The following BRF1 variants were observed in gnomAD, a reference collection of about 807,000 sequenced individuals.
The protein encoded by BRF1 is BRF1 general transcription factor IIIB subunit.
In BRF1, 59 loss-of-function variants were observed where a neutral mutation model predicts 81.7. The ratio of observed to expected loss-of-function variants is 0.72; its 90% CI spans 0.59 to 0.90. The LOEUF (loss-of-function observed/expected upper bound fraction) is 0.90. BRF1 is among the 40% of genes least tolerant of loss of function. The pLI is 0.00. For missense variants in BRF1, 1,050 were observed against 936.3 expected (o/e 1.12, Z -1.58); for synonymous variants, 491 against 395.6 (o/e 1.24, Z -2.86).
chr14:105,228,476 A>G (rs2054177114), intron 7 of BRF1, among the ~76,000 whole-genome samples: 1 of 151,748 alleles, frequency 6.6e-6, no homozygotes, highest in Non-Finnish European at 1.5e-5. Flanking sequence ...CCCGGGAGGC[A>G]GAGGTTACAG....
At chr14:105,214,947 TCCC>T (rs1165185509) in intron 15 of BRF1, among the ~76,000 whole-genome samples, 1 of 152,098 alleles carries the variant, frequency 6.6e-6, no homozygotes, top group Non-Finnish European at 1.5e-5. Context: ...AGCCCTTCTG[TCCC>T]CAGGTAGACC....
intron 3 of BRF1, among the ~76,000 whole-genome samples, chr14:105,262,712 C>T (rs961287265): frequency 1.3e-5 from 2 of 152,214 alleles, no homozygotes; most frequent in African/African-American, 4.8e-5. Context: ...CAGGCAGTCA[C>T]CTGACGCTCC....
intron 17 of BRF1, 80 bp downstream of exon 17, chr14:105,211,042 C>T: frequency 6.5e-7 from 1 of 1,543,464 alleles, no homozygotes; most frequent in South Asian, 1.2e-5. Flanking sequence ...GCTAACAGGC[C>T]CAAGTTCAGG....
At chr14:105,260,366 G>A (rs587603943) in intron 3 of BRF1, among the ~76,000 whole-genome samples, 60 of 151,778 alleles carry the variant, frequency 4.0e-4, no homozygotes, top group African/African-American at 1.4e-3. Context: ...AACTTTGCAG[G>A]TGTTCGAATT....
At position 105,247,142 on chromosome 14, in the gene BRF1, G is replaced by T. The variant is rs1348859180; in HGVS notation, c.544+5365C>A. On this transcript the variant is annotated intron_variant, in intron 5 of 17. Transcript: ENST00000547530. ...CAGCCAGCGTGTCTTTGCCAGTGGG[G>T]TCCCACACTATGAAATCGCAGCTGT... The T allele has an allele frequency of 7.1e-6, 7 of 985,370 alleles. No individual in the cohort carries two copies. In the African/African-American group the frequency reaches 1.2e-4, roughly 17 times the overall value. 61.0% of individuals were successfully genotyped at this position (985,370 alleles called of 1,614,324 possible).
At chr14:105,250,020 C>T in intron 5 of BRF1, 1 of 1,612,932 alleles carries the variant, frequency 6.2e-7, no homozygotes, top group Non-Finnish European at 8.5e-7. Context: ...CCAATCACCC[C>T]ACGAAACAAG....
intron 15 of BRF1, 99 bp from the exon 16 acceptor site, chr14:105,212,263 A>C: frequency 6.8e-7 from 1 of 1,468,560 alleles, no homozygotes; most frequent in Non-Finnish European, 9.2e-7. Flanking sequence ...GTGTTAATTG[A>C]CTGTTTCTCT....
At chr14:105,212,288 C>T in intron 15 of BRF1, 124 bp from the exon 16 acceptor site, 1 of 1,322,118 alleles carries the variant, frequency 7.6e-7, no homozygotes, top group East Asian at 2.5e-5. Flanking sequence ...CTTTGGAAGC[C>T]TGGTTCTGCG....
At chr14:105,215,983 C>CAAAG (rs1555376220) in intron 15 of BRF1, among the ~76,000 whole-genome samples, 1 of 130,618 alleles carries the variant, frequency 7.7e-6, no homozygotes, top group African/African-American at 3.2e-5. Context: ...ACACTGCATA[C>CAAAG]ACAGGCGCAC....
chr14:105,213,649 G>A (rs780161673), intron 15 of BRF1, among the ~76,000 whole-genome samples: 8 of 152,006 alleles, frequency 5.3e-5, no homozygotes, highest in Non-Finnish European at 2.9e-5. Context: ...ACCTGGCACT[G>A]AGGACAGGCT....
At chr14:105,270,174 CTTT>C (rs56662868) in intron 3 of BRF1, among the ~76,000 whole-genome samples, 20 of 115,300 alleles carry the variant, frequency 1.7e-4, no homozygotes, top group East Asian at 2.5e-4. Flanking sequence ...GTTGAAAGGA[CTTT>C]TTTTTTTTTT....
chr14:105,248,761 C>T (rs2055342874), intron 5 of BRF1: 5 of 981,498 alleles, frequency 5.1e-6, no homozygotes, highest in Non-Finnish European at 6.0e-6. Context: ...CAGTGCCTGA[C>T]CTCCTTGCTT....
intron 1 of BRF1, among the ~76,000 whole-genome samples, chr14:105,293,552 A>G (rs2057608763): frequency 6.6e-6 from 1 of 152,250 alleles, no homozygotes. Context: ...GGGAAGCCTC[A>G]GGGCACACAC....
intron 5 of BRF1, among the ~76,000 whole-genome samples, chr14:105,244,041 G>C (rs906572744): frequency 2.0e-5 from 3 of 151,918 alleles, no homozygotes; most frequent in African/African-American, 7.3e-5. Context: ...AGGCAGAGTG[G>C]CTCATACCTA....
chr14:105,249,199 C>T (rs995018747), intron 5 of BRF1: 2 of 1,589,174 alleles, frequency 1.3e-6, no homozygotes, highest in Non-Finnish European at 1.7e-6. Context: ...CCGACGTGCA[C>T]TTCGTCGTGG....
rs746803838 is a variant in BRF1, at chr14:105,241,259, C to A, written c.694+6G>T. On this transcript the variant is annotated splice_donor_region_variant and intron_variant, in intron 6 of 17. Transcript: ENST00000547530. The stretch of plus-strand genomic sequence containing the variant: ...GCATCCCCCAGGCAGGCAGGGCCCG[C>A]TGTACCTGCTCCGCAGAGGCCCGAG... 1 of 1,610,524 alleles carries A rather than the reference C, an allele frequency of 6.2e-7. No individual in the cohort carries two copies.
chr14:105,223,643 A>AG (rs976255309), intron 10 of BRF1, among the ~76,000 whole-genome samples: 17 of 152,230 alleles, frequency 1.1e-4, no homozygotes, highest in Middle Eastern at 3.4e-3. Context: ...CTGGGGCAGG[A>AG]GGGGGGGTGG....
intron 1 of BRF1, among the ~76,000 whole-genome samples, chr14:105,293,908 A>G (rs66777564): frequency 0.31 from 47,564 of 152,122 alleles, 7,676 homozygotes; most frequent in African/African-American, 0.36. Context: ...TAATAGGCAA[A>G]ACACCTAGGA....
rs1335351355 is a variant in BRF1, at chr14:105,219,244, C to G, written c.1378-12G>C. The G allele has an allele frequency of 6.2e-7, 1 of 1,609,674 alleles. No homozygotes were observed. Among genetic ancestry groups the G allele is most frequent in the African/African-American group, 1.3e-5 (1 of 74,876 alleles). ...TCATTCAGGATGTACTGGGCGAGCA[C>G]AGGGAAGTGGGGCTGGCTTTTAGCC... is the stretch of plus-strand genomic sequence containing the variant. On this transcript the variant is annotated splice_polypyrimidine_tract_variant and intron_variant, in intron 12 of 17. Transcript: ENST00000547530.
Sources: gnomAD v4.1 joint callset for allele counts (sites outside exome capture counted in the v4.1 genomes callset) on GRCh38, gnomAD v4.1.1 for gene constraint, MANE v1.5 for transcripts, NCBI Gene and HGNC (gene_info 2026-07-23, HGNC 2026-07-21) for gene names.